The following IL4R variants were observed in gnomAD, a reference collection of about 807,000 sequenced individuals.
IL4R encodes interleukin 4 receptor.
Under a neutral mutation model 41.5 loss-of-function variants are expected in IL4R, and 17 were observed. The ratio of observed to expected loss-of-function variants is 0.41; its 90% confidence interval spans 0.28 to 0.61. The LOEUF (loss-of-function observed/expected upper bound fraction) is 0.61, where lower values mean the gene tolerates loss of function less well. Among genes scored for constraint, IL4R ranks in the 20% least tolerant of loss-of-function variants. IL4R has a pLI of 0.31. For missense variants in IL4R, 974 were observed against 1,043.1 expected, an observed-to-expected ratio of 0.93 and a Z score of 0.91; for synonymous variants, 402 against 422.9, an observed-to-expected ratio of 0.95 and a Z score of 0.61.
chr16:27,343,267 G>C (rs1423955113), intron 4 of IL4R, among the ~76,000 whole-genome samples: 1 of 152,236 alleles, frequency 6.6e-6, no homozygotes, highest in Admixed American at 6.5e-5. Context: ...GCTGTGCTTT[G>C]TTTCCATTGG....
chr16:27,336,079 G>A (rs575582342), intron 2 of IL4R, among the ~76,000 whole-genome samples: 2 of 152,054 alleles, frequency 1.3e-5, no homozygotes, highest in South Asian at 4.1e-4. Flanking sequence ...TTAATGATGG[G>A]GTTTTGTCCC....
Position 27,337,586 on chromosome 16 carries a change from T to C in IL4R, c.-18-2600T>C, listed in dbSNP as rs555913171. Among the ~76,000 whole-genome samples the C allele has an allele frequency of 1.6e-3, 244 of 151,506 alleles. 1 individual carries two copies. The highest frequency in any genetic ancestry group is 2.2e-3 in the Non-Finnish European group (151 of 67,778). ...CTTTTTTTCTTTTTCTTTTTTTTTT[T>C]TTTCTCTTTTTGCAACAGGGTCTCA... On this transcript the variant is annotated intron_variant, in intron 2 of 10. Transcript: ENST00000395762.
intron 3 of IL4R, chr16:27,341,438 G>A: frequency 1.9e-6 from 1 of 526,320 alleles, no homozygotes; most frequent in Non-Finnish European, 3.4e-6. Flanking sequence ...TGTCAGCTGA[G>A]ATGGGCGTGG....
rs1452140832 is a variant in IL4R, at chr16:27,325,905, C to G, written c.-151-4161C>G. On this transcript the variant is annotated intron_variant, in intron 1 of 10. Coordinates refer to ENST00000395762, the MANE Select transcript of IL4R (RefSeq NM_000418.4). The stretch of plus-strand genomic sequence containing the variant: ...CAGGCTGGCTTGTCACACGGGCTAC[C>G]CCCACAGGCCGCCATCTTGGAAAAG... Among the ~76,000 whole-genome samples the G allele has an allele frequency of 2.0e-5, 3 of 152,260 alleles. No homozygotes were observed. The East Asian group carries it at 5.8e-4, about 29-fold the overall frequency.
chr16:27,319,857 T>C (rs766533955), intron 1 of IL4R, among the ~76,000 whole-genome samples: 4 of 152,054 alleles, frequency 2.6e-5, no homozygotes, highest in Non-Finnish European at 5.9e-5. Context: ...ATGTGAGGGA[T>C]CTGGGTTGCG....
At chr16:27,355,941 C>G in intron 8 of IL4R, 34 bp downstream of exon 8, 1 of 1,471,094 alleles carries the variant, frequency 6.8e-7, no homozygotes, top group South Asian at 1.1e-5. Flanking sequence ...CGAGCAGTCC[C>G]TCTGGAGTGC....
At chr16:27,351,585 G>A (rs1567327722) in intron 6 of IL4R, among the ~76,000 whole-genome samples, 1 of 146,610 alleles carries the variant, frequency 6.8e-6, no homozygotes, top group Non-Finnish European at 1.5e-5. Context: ...CATGATCTCA[G>A]CTTACCACAA....
chr16:27,355,698 C>T (rs899883308), intron 7 of IL4R, 110 bp from the exon 8 acceptor site: 2 of 696,528 alleles, frequency 2.9e-6, no homozygotes, highest in Non-Finnish European at 5.0e-6. Flanking sequence ...GCGGTCAGAT[C>T]GTGGAGGGTC....
chr16:27,363,627 CT>C lies in IL4R; in HGVS notation c.2276del (p.Leu759ArgfsTer54), dbSNP rs556797513. 3.8e-5 allele frequency: 62 copies of C among 1,613,750 alleles called. No homozygotes were observed. The South Asian group carries it at 6.4e-4, about 17-fold the overall frequency. ...GDRSSPPTTPLRAPDPSPGGV... is the reference protein window; with the variant it reads ...GDRSSPPTTPXRAPDPSPGGV... ...CAGGTCCTCGCCCCCTACAACCCCCCTGAGGGCCCCAGACCCCTCTCCAGGT... is the reference window on the plus strand; with the variant it reads ...CAGGTCCTCGCCCCCTACAACCCCCCGAGGGCCCCAGACCCCTCTCCAGGT... On this transcript the variant is annotated frameshift_variant, in exon 11 of 11. Transcript: ENST00000395762. LOFTEE classifies it low-confidence loss of function (END_TRUNC).
At chr16:27,357,584 C>T (rs1459223754) in intron 8 of IL4R, among the ~76,000 whole-genome samples, 1 of 152,086 alleles carries the variant, frequency 6.6e-6, no homozygotes, top group Non-Finnish European at 1.5e-5. Flanking sequence ...CTGCCTTAGC[C>T]TCCCGACTAG....
At chr16:27,361,059 A>G (rs1354135369) in intron 10 of IL4R, 1 of 1,403,612 alleles carries the variant, frequency 7.1e-7, no homozygotes, top group Admixed American at 2.9e-5. Flanking sequence ...GTTATAGTTA[A>G]CAACCAGAGC....
intron 1 of IL4R, among the ~76,000 whole-genome samples, chr16:27,325,497 CT>C (rs1274294414): frequency 6.6e-6 from 1 of 151,862 alleles, no homozygotes; most frequent in Non-Finnish European, 1.5e-5. Flanking sequence ...CTACTTGAAC[CT>C]GGGAGACAGA....
chr16:27,327,064 T>C (rs528475552), intron 1 of IL4R, among the ~76,000 whole-genome samples: 2 of 152,276 alleles, frequency 1.3e-5, no homozygotes, highest in Admixed American at 6.5e-5. Context: ...CATGACTAAC[T>C]GATTGCGCCA....
At chr16:27,347,848 G>A (rs570764936) in intron 6 of IL4R, among the ~76,000 whole-genome samples, 2 of 152,358 alleles carry the variant, frequency 1.3e-5, no homozygotes, top group Admixed American at 6.5e-5. Context: ...AAGAGCACCC[G>A]CCCACAGGGC....
At chr16:27,324,089 G>C (rs2084889661) in intron 1 of IL4R, among the ~76,000 whole-genome samples, 1 of 152,236 alleles carries the variant, frequency 6.6e-6, no homozygotes, top group South Asian at 2.1e-4. Flanking sequence ...ATGGCTGAAG[G>C]AAGAGGGGAC....
intron 3 of IL4R, 95 bp downstream of exon 3, chr16:27,340,368 A>G (rs1383864748): frequency 2.3e-6 from 2 of 874,468 alleles, no homozygotes; most frequent in Non-Finnish European, 3.8e-6. Flanking sequence ...ATTACACTGC[A>G]GTGGGAGGGG....
intron 6 of IL4R, among the ~76,000 whole-genome samples, chr16:27,352,126 C>T (rs947753795): frequency 5.9e-5 from 9 of 152,166 alleles, no homozygotes; most frequent in African/African-American, 2.2e-4. Context: ...TTCCTTATCA[C>T]CACAACCCTG....
chr16:27,343,867 G>GA (rs113582905), intron 4 of IL4R, among the ~76,000 whole-genome samples: 2,434 of 152,262 alleles, frequency 0.016, 62 homozygotes, highest in African/African-American at 0.055. Context: ...GAAGACTTGG[G>GA]AGGGTGGGAG....
At chr16:27,355,999 C>G (rs1247176812) in intron 8 of IL4R, 92 bp downstream of exon 8, 10 of 800,302 alleles carry the variant, frequency 1.2e-5, no homozygotes, top group Non-Finnish European at 2.2e-5. Context: ...GCAGTCCTCT[C>G]AGTCAATAAT....
Sources: allele counts gnomAD v4.1 joint callset (sites outside exome capture counted in the v4.1 genomes callset), GRCh38; gene constraint gnomAD v4.1.1; transcripts MANE v1.5; gene names NCBI Gene and HGNC (gene_info 2026-07-23, HGNC 2026-07-21).